TTC28: variants seen among roughly 807,000 people sequenced by gnomAD.
TTC28 encodes tetratricopeptide repeat protein 28.
A neutral mutation model predicts 198.0 loss-of-function variants in TTC28; 61 were observed. That is an observed-to-expected ratio of 0.31 (90% CI 0.25 to 0.38). The LOEUF is 0.38. Among genes scored for constraint, TTC28 ranks in the 10% least tolerant of loss-of-function variants. The pLI, the probability that TTC28 is intolerant of heterozygous loss-of-function variation, is 1.00. For missense variants in TTC28, 2,678 were observed against 3,164.0 expected, an observed-to-expected ratio of 0.85 and a Z score of 3.69; for synonymous variants, 1,171 against 1,297.8, an observed-to-expected ratio of 0.90 and a Z score of 2.10.
intron 6 of TTC28, among the ~76,000 whole-genome samples, chr22:28,136,930 A>G (rs1943212982): frequency 6.6e-6 from 1 of 152,176 alleles, no homozygotes; most frequent in Non-Finnish European, 1.5e-5. Context: ...CTTAAATCAT[A>G]AGCAACACAG....
intron 2 of TTC28, among the ~76,000 whole-genome samples, chr22:28,590,629 T>C (rs2050410521): frequency 2.0e-5 from 3 of 151,822 alleles, no homozygotes. Context: ...CCAGGAAAAA[T>C]TTAGAACAAA....
intron 2 of TTC28, among the ~76,000 whole-genome samples, chr22:28,604,295 A>ATAC (rs1453421877): frequency 9.9e-6 from 1 of 100,724 alleles, no homozygotes; most frequent in African/African-American, 4.0e-5. Flanking sequence ...AAAAAAAAAA[A>ATAC]ATTATATATA....
chr22:28,353,215 T>C (rs1444523686), intron 2 of TTC28, among the ~76,000 whole-genome samples: 2 of 152,200 alleles, frequency 1.3e-5, no homozygotes, highest in African/African-American at 4.8e-5. Context: ...AAAAATGTAT[T>C]GCCTTATATG....
At chr22:28,258,310 A>G (rs973251019) in intron 5 of TTC28, among the ~76,000 whole-genome samples, 2 of 152,094 alleles carry the variant, frequency 1.3e-5, no homozygotes, top group Non-Finnish European at 2.9e-5. Flanking sequence ...CAGTCTTGTT[A>G]TTTTCCTTCA....
chr22:28,301,413 C>T (rs1483829313), intron 3 of TTC28, among the ~76,000 whole-genome samples: 1 of 152,140 alleles, frequency 6.6e-6, no homozygotes, highest in Admixed American at 6.5e-5. Context: ...AGTTCATCAA[C>T]CATTAAGTGT....
chr22:28,161,696 G>A (rs952242789), intron 6 of TTC28, among the ~76,000 whole-genome samples: 1 of 149,738 alleles, frequency 6.7e-6, no homozygotes, highest in Non-Finnish European at 1.5e-5. Context: ...GGAAAGGAGA[G>A]GAGAGGAGGG....
intron 2 of TTC28, among the ~76,000 whole-genome samples, chr22:28,537,301 A>AACATAACATAACATAACATAAC (rs2049306156): frequency 1.6e-5 from 2 of 124,164 alleles, no homozygotes; most frequent in East Asian, 4.6e-4. Context: ...TCAAAAATAA[A>AACATAACATAACATAACATAAC]ATAAAATAAA....
At chr22:28,282,661 G>A (rs925642279) in intron 5 of TTC28, among the ~76,000 whole-genome samples, 2 of 152,164 alleles carry the variant, frequency 1.3e-5, no homozygotes, top group Non-Finnish European at 2.9e-5. Flanking sequence ...GCTTCCACAA[G>A]AGGTCTGTCC....
chr22:28,387,255 T>G (rs183006338), intron 2 of TTC28, among the ~76,000 whole-genome samples: 1 of 152,236 alleles, frequency 6.6e-6, no homozygotes, highest in African/African-American at 2.4e-5. Context: ...GTTGGACATT[T>G]GGGTTGGTTC....
At chr22:28,611,788 T>A (rs527686824) in intron 2 of TTC28, among the ~76,000 whole-genome samples, 1 of 151,792 alleles carries the variant, frequency 6.6e-6, no homozygotes, top group East Asian at 1.9e-4. Context: ...GATAGTTTAC[T>A]GAGAATGATG....
chr22:28,321,661 C>T (rs1156365686), intron 2 of TTC28, among the ~76,000 whole-genome samples: 1 of 152,158 alleles, frequency 6.6e-6, no homozygotes, highest in Non-Finnish European at 1.5e-5. Context: ...AAGCACCCAG[C>T]ACAGTGTCTA....
chr22:28,486,849 G>A (rs1051531348), intron 2 of TTC28, among the ~76,000 whole-genome samples: 1 of 152,116 alleles, frequency 6.6e-6, no homozygotes, highest in African/African-American at 2.4e-5. Flanking sequence ...AGATCATTAT[G>A]ACATAAAATA....
intron 5 of TTC28, among the ~76,000 whole-genome samples, chr22:28,286,003 ATTT>A (rs72424697): frequency 6.9e-6 from 1 of 145,624 alleles, no homozygotes; most frequent in Non-Finnish European, 1.5e-5. Flanking sequence ...AAGATTATTA[ATTT>A]TTTTTTTTTT....
intron 2 of TTC28, among the ~76,000 whole-genome samples, chr22:28,447,720 T>C (rs904304091): frequency 3.9e-5 from 6 of 152,240 alleles, no homozygotes; most frequent in Admixed American, 6.5e-5. Flanking sequence ...AACAGTAAAC[T>C]GTATCAAGAA....
At chr22:28,487,532 G>A (rs1231396769) in intron 2 of TTC28, among the ~76,000 whole-genome samples, 2 of 152,104 alleles carry the variant, frequency 1.3e-5, no homozygotes, top group Non-Finnish European at 2.9e-5. Context: ...ACAAAATCAT[G>A]AGAATAACAT....
intron 2 of TTC28, among the ~76,000 whole-genome samples, chr22:28,573,402 C>T (rs1440792130): frequency 6.7e-6 from 1 of 148,414 alleles, no homozygotes; most frequent in African/African-American, 2.5e-5. Flanking sequence ...TGCAGTGAGC[C>T]GTGATCGCGC....
chr22:28,255,959 T>C (rs1051105880), intron 5 of TTC28, among the ~76,000 whole-genome samples: 1 of 152,182 alleles, frequency 6.6e-6, no homozygotes, highest in African/African-American at 2.4e-5. Context: ...TAAAATGTTA[T>C]ATATGTTTAA....
intron 6 of TTC28, among the ~76,000 whole-genome samples, chr22:28,161,117 C>G (rs754588678): frequency 6.6e-5 from 10 of 152,092 alleles, no homozygotes; most frequent in Non-Finnish European, 1.5e-4. Flanking sequence ...AGAGAAATCA[C>G]AAATCAACTC....
intron 2 of TTC28, among the ~76,000 whole-genome samples, chr22:28,371,529 A>AAAAAAAAAAAAAAAAAAAAAAAAAG (rs71194763): frequency 1.6e-5 from 2 of 125,696 alleles, no homozygotes; most frequent in Non-Finnish European, 3.4e-5. Flanking sequence ...AAAAAAAAAA[A>AAAAAAAAAAAAAAAAAAAAAAAAAG]GAGTTCAGAA....
Sources: allele counts gnomAD v4.1 joint callset (sites outside exome capture counted in the v4.1 genomes callset), GRCh38; gene constraint gnomAD v4.1.1; transcripts MANE v1.5; gene names NCBI Gene and HGNC (gene_info 2026-07-23, HGNC 2026-07-21).